The following RAD54L variants were observed in gnomAD, a reference collection of about 807,000 sequenced individuals.
RAD54L encodes the protein DNA repair and recombination protein RAD54-like.
In RAD54L, 74 loss-of-function variants were observed where a neutral mutation model predicts 91.6. The ratio of observed to expected loss-of-function variants is 0.81; its 90% CI spans 0.67 to 0.98. The LOEUF (loss-of-function observed/expected upper bound fraction) is 0.98. Among genes scored for constraint, RAD54L ranks in the 50% least tolerant of loss-of-function variants. The probability of loss-of-function intolerance (pLI) is 0.00; values close to 1 mark genes in which losing one functional copy is unlikely to be tolerated. For synonymous variants in RAD54L, 304 were observed against 349.7 expected, an observed-to-expected ratio of 0.87 and a Z score of 1.46; for missense variants, 887 against 945.7, an observed-to-expected ratio of 0.94 and a Z score of 0.81.
In RAD54L at chr1:46,260,550, T is replaced by G. The variant is rs762275372; in HGVS notation, c.416T>G (p.Leu139Arg). The change falls in exon 6 of 18, where the codon CTC (leucine) becomes CGC (arginine). Residue 139 changes from leucine to arginine, a missense_variant. Transcript: ENST00000371975. ...HDQLKLDKEKLPVHVVVDPIL... is the reference protein window; with the variant it reads ...HDQLKLDKEKRPVHVVVDPIL... ...TTGCTGTGTTTTCTCAGGGAGAAAC[T>G]CCCTGTCCATGTGGTTGTTGACCCT... is the stretch of plus-strand genomic sequence containing the variant. 2 of 1,614,054 alleles carry G rather than the reference T, an allele frequency of 1.2e-6. No homozygotes were observed. Among genetic ancestry groups the G allele is most frequent in the South Asian group, 1.1e-5 (1 of 91,074 alleles).
chr1:46,274,159 T>C lies in RAD54L; in HGVS notation c.1632T>C (p.Asp544=), dbSNP rs1160593032. Residue 544 remains aspartate, a synonymous_variant, in exon 15 of 18, where the codon GAT becomes GAC. Coordinates refer to ENST00000371975, the MANE Select transcript of RAD54L (RefSeq NM_003579.4). The stretch of plus-strand genomic sequence containing the variant: ...TCAGGTACTTATACGTCCGCCTGGA[T>C]GGCACGATGTCCATTAAGAAGCGAG... ...RARRYLYVRL[D]GTMSIKKRAK... 6.2e-7 allele frequency: 1 copy of C among 1,613,812 alleles called. No homozygotes were observed. Among genetic ancestry groups the C allele is most frequent in the East Asian group, 2.2e-5 (1 of 44,888 alleles).
At chr1:46,276,857 A>G (rs950305119) in intron 16 of RAD54L, among the ~76,000 whole-genome samples, 2 of 152,224 alleles carry the variant, frequency 1.3e-5, no homozygotes, top group South Asian at 4.1e-4. Flanking sequence ...CTGGAGTGCA[A>G]TGGCACCATC....
chr1:46,257,155 A>C (rs1337332072), intron 3 of RAD54L, among the ~76,000 whole-genome samples: 1 of 151,916 alleles, frequency 6.6e-6, no homozygotes, highest in African/African-American at 2.4e-5. Context: ...AAAAAAAAAA[A>C]AAAAAAAACC....
intron 12 of RAD54L, 101 bp from the exon 13 acceptor site, chr1:46,273,254 G>C: frequency 1.0e-6 from 1 of 960,998 alleles, no homozygotes; most frequent in Non-Finnish European, 1.7e-6. Context: ...CTGATGTTGA[G>C]GAAGGCCTTT....
At position 46,273,425 on chromosome 1, in the gene RAD54L, T is replaced by C; in HGVS notation, c.1446T>C (p.Pro482=). 6.2e-7 allele frequency: 1 copy of C among 1,614,084 alleles called. No individual in the cohort carries two copies. Among genetic ancestry groups the C allele is most frequent in the Non-Finnish European group, 8.5e-7 (1 of 1,179,924 alleles). The change falls in exon 13 of 18, where the codon CCT becomes CCC. Residue 482 remains proline, a synonymous_variant. Coordinates refer to ENST00000371975, the MANE Select transcript of RAD54L (RefSeq NM_003579.4). Reference sequence around the variant, plus strand: ...TTGTGGGTGCCTTGGACCTCTTCCCTCCTGGTTACAGCTCTAAGGCCCTGG... The same window carrying C: ...TTGTGGGTGCCTTGGACCTCTTCCCCCCTGGTTACAGCTCTAAGGCCCTGG... The part of the protein sequence containing the change: ...DGFVGALDLF[P]PGYSSKALEP...
At position 46,272,793 on chromosome 1, in the gene RAD54L, C is replaced by CT. The variant is rs1279759030; in HGVS notation, c.1369dup (p.Cys457LeufsTer2). ...TTCTTCCATCACCTCGCTAAAGAAG[C>CT]TTTGTAATCGTGAGTTGGGCTTGTG... On this transcript the variant is annotated frameshift_variant, in exon 12 of 18. Coordinates refer to ENST00000371975, the MANE Select transcript of RAD54L (RefSeq NM_003579.4). LOFTEE classifies it high-confidence loss of function. 6.2e-7 allele frequency: 1 copy of CT among 1,614,032 alleles called. No individual in the cohort carries two copies. The highest frequency in any genetic ancestry group is 8.5e-7 in the Non-Finnish European group (1 of 1,180,040).
In RAD54L at chr1:46,259,989, C is replaced by T. The variant is rs760938748; in HGVS notation, c.297C>T (p.Gly99=). Residue 99 remains glycine (G), a synonymous_variant, in exon 5 of 18, where the codon GGC becomes GGT. Coordinates refer to ENST00000371975, the MANE Select transcript of RAD54L (RefSeq NM_003579.4). ...GTCCTCTGGGCTCTCGAGCATTGGG[C>T]CTGAAAAGGGCTGGGGTCCGCCGGG... The part of the protein sequence containing the change: ...YQGPLGSRAL[G]LKRAGVRRAL... 6.2e-7 allele frequency: 1 copy of T among 1,614,010 alleles called. No homozygotes were observed. Among genetic ancestry groups the T allele is most frequent in the South Asian group, 1.1e-5 (1 of 91,074 alleles).
At chr1:46,273,924 C>T (rs1660514620) in intron 14 of RAD54L, among the ~76,000 whole-genome samples, 177 bp downstream of exon 14, 1 of 152,144 alleles carries the variant, frequency 6.6e-6, no homozygotes, top group Non-Finnish European at 1.5e-5. Context: ...ATCCCCTAGT[C>T]CTTCAGGTAC....
At chr1:46,254,796 A>G (rs1022809278) in intron 3 of RAD54L, among the ~76,000 whole-genome samples, 1 of 152,134 alleles carries the variant, frequency 6.6e-6, no homozygotes, top group Non-Finnish European at 1.5e-5. Context: ...TGTGTTGCCC[A>G]GGCAGGTTTC....
At chr1:46,267,166 C>T (rs146796162) in intron 8 of RAD54L, among the ~76,000 whole-genome samples, 5 of 152,268 alleles carry the variant, frequency 3.3e-5, no homozygotes, top group Non-Finnish European at 4.4e-5. Context: ...TGGACTCAAG[C>T]GATCTTCCCA....
chr1:46,273,417 C>T lies in RAD54L; in HGVS notation c.1438C>T (p.Leu480Phe), dbSNP rs2148301443. 1 of 1,614,072 alleles carries T rather than the reference C, an allele frequency of 6.2e-7. No homozygotes were observed. Among genetic ancestry groups the T allele is most frequent in the Non-Finnish European group, 8.5e-7 (1 of 1,179,952 alleles). ...GGATGGCTTTGTGGGTGCCTTGGACCTCTTCCCTCCTGGTTACAGCTCTAA... is the reference window on the plus strand; with the variant it reads ...GGATGGCTTTGTGGGTGCCTTGGACTTCTTCCCTCCTGGTTACAGCTCTAA... Reference protein sequence around the residue: ...EEDGFVGALDLFPPGYSSKAL... With the variant: ...EEDGFVGALDFFPPGYSSKAL... The change falls in exon 13 of 18, where the codon CTC becomes TTC. Residue 480 changes from leucine (L) to phenylalanine (F), a missense_variant. By Grantham distance (22) the Leu-to-Phe change is conservative. Transcript: ENST00000371975.
rs755613495 is a variant in RAD54L, at chr1:46,260,102, A to G, written c.407+3A>G. 1 of 1,614,142 alleles carries G rather than the reference A, an allele frequency of 6.2e-7. No homozygotes were observed. Reference sequence around the variant, plus strand: ...CATGACCAGCTGAAGCTTGACAAGTATGTGCACTGGTATTTCATAAGCAGT... The same window carrying G: ...CATGACCAGCTGAAGCTTGACAAGTGTGTGCACTGGTATTTCATAAGCAGT... On this transcript the variant is annotated splice_donor_region_variant and intron_variant, in intron 5 of 17. Transcript: ENST00000371975.
intron 9 of RAD54L, 66 bp downstream of exon 9, chr1:46,267,675 C>T (rs1660305126): frequency 1.3e-5 from 20 of 1,526,968 alleles, no homozygotes; most frequent in Non-Finnish European, 1.7e-5. Context: ...AGTATAACTC[C>T]AGCTGAGGAG....
intron 3 of RAD54L, among the ~76,000 whole-genome samples, chr1:46,252,610 G>C (rs1659831656): frequency 6.6e-6 from 1 of 152,072 alleles, no homozygotes; most frequent in Non-Finnish European, 1.5e-5. Flanking sequence ...GATGGATGGT[G>C]GTGTCATTTG....
intron 16 of RAD54L, among the ~76,000 whole-genome samples, chr1:46,275,160 CATTG>C (rs1312925862): frequency 1.3e-5 from 2 of 152,218 alleles, no homozygotes; most frequent in African/African-American, 4.8e-5. Context: ...ATTCCTAATT[CATTG>C]ATGACTTTGG....
intron 2 of RAD54L, 58 bp downstream of exon 2, chr1:46,248,656 AGGATTT>A: frequency 6.4e-7 from 1 of 1,550,588 alleles, no homozygotes. Context: ...AAAAGAAGCC[AGGATTT>A]GGTTTCTAGG....
chr1:46,255,639 T>G (rs988462966), intron 3 of RAD54L, among the ~76,000 whole-genome samples: 1 of 151,820 alleles, frequency 6.6e-6, no homozygotes, highest in African/African-American at 2.4e-5. Context: ...GCTGGAATTA[T>G]AGGTGCCCGC....
Position 46,278,201 on chromosome 1 carries a change from G to A in RAD54L, c.2163G>A (p.Gln721=), listed in dbSNP as rs1211113211. The part of the protein sequence containing the change: ...DKWGLRDEVL[Q]AAWDAASTAI... The stretch of plus-strand genomic sequence containing the variant: ...GGGGGCTCCGGGATGAGGTACTCCA[G>A]GCTGCCTGGGATGCTGCCTCCACTG... The change falls in exon 18 of 18, where the codon CAG becomes CAA. Residue 721 remains glutamine (Q), a synonymous_variant. Transcript: ENST00000371975. 1.6e-5 allele frequency: 26 copies of A among 1,613,828 alleles called. No individual in the cohort carries two copies. Among genetic ancestry groups the A allele is most frequent in the Non-Finnish European group, 2.2e-5 (26 of 1,179,996 alleles).
At position 46,270,735 on chromosome 1, in the gene RAD54L, C is replaced by G; in HGVS notation, c.1119C>G (p.Asp373Glu). 1 of 1,614,224 alleles carries G rather than the reference C, an allele frequency of 6.2e-7. No homozygotes were observed. Among genetic ancestry groups the G allele is most frequent in the East Asian group, 2.2e-5 (1 of 44,884 alleles). Residue 373 changes from aspartate (D) to glutamate (E), a missense_variant, in exon 10 of 18, where the codon GAC (aspartate) becomes GAG (glutamate). Transcript: ENST00000371975. ...KGRDAAASEA[D>E]RQLGEERLRE... The stretch of plus-strand genomic sequence containing the variant: ...GAGACGCTGCTGCTAGTGAGGCAGA[C>G]AGGCAGCTAGGAGAGGAGCGGCTGC...
Sources: allele counts gnomAD v4.1 joint callset (sites outside exome capture counted in the v4.1 genomes callset), GRCh38; gene constraint gnomAD v4.1.1; transcripts MANE v1.5; gene names NCBI Gene and HGNC (gene_info 2026-07-23, HGNC 2026-07-21).